Variants in CWC27 observed in about 807,000 individuals in gnomAD.
CWC27 encodes the protein CWC27 spliceosome associated cyclophilin.
CWC27 carries 47 observed loss-of-function variants against 63.6 expected under a neutral mutation model. The ratio of observed to expected loss-of-function variants is 0.74; its 90% CI spans 0.58 to 0.94. The LOEUF is 0.94. Among genes scored for constraint, CWC27 ranks in the 40% least tolerant of loss-of-function variants. CWC27 has a pLI of 0.00. For synonymous variants in CWC27, 175 were observed against 179.8 expected (o/e 0.97, Z 0.22); for missense variants, 495 against 554.3 (o/e 0.89, Z 1.07).
chr5:64,869,538 G>A (rs999908782), intron 10 of CWC27, among the ~76,000 whole-genome samples: 2 of 151,960 alleles, frequency 1.3e-5, no homozygotes, highest in African/African-American at 4.8e-5. Flanking sequence ...GAAGCCTTAT[G>A]GAAAAGAAAA....
At chr5:64,978,633 G>T (rs1436336108) in intron 13 of CWC27, among the ~76,000 whole-genome samples, 9 of 150,604 alleles carry the variant, frequency 6.0e-5, no homozygotes, top group African/African-American at 2.2e-4. Context: ...GCGGTGGGGG[G>T]GATTCCTTGA....
intron 13 of CWC27, among the ~76,000 whole-genome samples, chr5:64,985,697 ATTTC>A (rs1312684089): frequency 6.6e-6 from 1 of 151,698 alleles, no homozygotes; most frequent in African/African-American, 2.4e-5. Flanking sequence ...AGGCAGTTTT[ATTTC>A]TTTCTTTCTA....
intron 5 of CWC27, 144 bp downstream of exon 5, chr5:64,785,723 C>G (rs976077752): frequency 6.1e-6 from 3 of 493,398 alleles, no homozygotes; most frequent in Non-Finnish European, 1.1e-5. Flanking sequence ...ATTTGGGCAC[C>G]GTTTCTAGTT....
chr5:64,890,949 G>A (rs1747217386), intron 11 of CWC27, among the ~76,000 whole-genome samples: 1 of 152,142 alleles, frequency 6.6e-6, no homozygotes, highest in Non-Finnish European at 1.5e-5. Flanking sequence ...TTAAGTGTGA[G>A]AGAAAAGCAT....
chr5:64,836,759 C>T (rs950329827), intron 10 of CWC27, among the ~76,000 whole-genome samples: 2 of 151,972 alleles, frequency 1.3e-5, no homozygotes, highest in Admixed American at 6.6e-5. Flanking sequence ...ATTTCTCCAG[C>T]CTTCTTTCCC....
intron 13 of CWC27, among the ~76,000 whole-genome samples, chr5:64,996,846 C>T (rs1375842941): frequency 6.6e-6 from 1 of 152,098 alleles, no homozygotes; most frequent in Non-Finnish European, 1.5e-5. Context: ...TAGAAATCGT[C>T]GCTTTCAGAG....
intron 13 of CWC27, among the ~76,000 whole-genome samples, chr5:64,978,775 A>G (rs1749278707): frequency 6.6e-6 from 1 of 152,116 alleles, no homozygotes; most frequent in African/African-American, 2.4e-5. Context: ...TTTCTGATTC[A>G]TTTACACTTA....
At chr5:64,846,434 A>G (rs2112289750) in intron 10 of CWC27, among the ~76,000 whole-genome samples, 1 of 152,356 alleles carries the variant, frequency 6.6e-6, no homozygotes, top group African/African-American at 2.4e-5. Context: ...GTTGTATGCA[A>G]AGTTAATTGT....
chr5:65,012,533 G>C (rs1749980362), intron 13 of CWC27, among the ~76,000 whole-genome samples: 1 of 152,196 alleles, frequency 6.6e-6, no homozygotes, highest in Non-Finnish European at 1.5e-5. Flanking sequence ...TTACTTCATG[G>C]AAGTAGGGCC....
chr5:64,914,458 A>T (rs982377546), intron 11 of CWC27, among the ~76,000 whole-genome samples: 5 of 152,150 alleles, frequency 3.3e-5, no homozygotes. Flanking sequence ...TAACCCAAAG[A>T]AAAACGGGCA....
intron 11 of CWC27, among the ~76,000 whole-genome samples, chr5:64,950,550 C>T (rs1580745196): frequency 6.6e-6 from 1 of 151,830 alleles, no homozygotes; most frequent in South Asian, 2.1e-4. Flanking sequence ...AAACCAATAC[C>T]ATTATAACCA....
At chr5:64,851,935 CTT>C (rs775942802) in intron 10 of CWC27, among the ~76,000 whole-genome samples, 14 of 152,016 alleles carry the variant, frequency 9.2e-5, no homozygotes, top group South Asian at 2.1e-4. Context: ...AATTCTAACT[CTT>C]TTAGAAACTA....
At chr5:64,886,916 G>A (rs1747084082) in intron 11 of CWC27, among the ~76,000 whole-genome samples, 1 of 151,950 alleles carries the variant, frequency 6.6e-6, no homozygotes, top group African/African-American at 2.4e-5. Flanking sequence ...TTTGAAACAG[G>A]TACAGTCAGG....
chr5:64,841,757 C>T lies in CWC27; in HGVS notation c.938+37371C>T, dbSNP rs374398849. 3.9e-5 allele frequency among the ~76,000 whole-genome samples: 6 copies of T among 152,298 alleles called. No homozygotes were observed. The East Asian group carries it at 9.6e-4, about 24-fold the overall frequency. On this transcript the variant is annotated intron_variant, in intron 10 of 13. Coordinates refer to ENST00000381070, the MANE Select transcript of CWC27 (RefSeq NM_005869.4). Reference sequence around the variant, plus strand: ...ATGGCACAATCGCGGCTCACTGCAACCTCCGCCTCCTGGATTCAGGCGATT... The same window carrying T: ...ATGGCACAATCGCGGCTCACTGCAATCTCCGCCTCCTGGATTCAGGCGATT...
chr5:64,993,830 G>A (rs1749584448), intron 13 of CWC27, among the ~76,000 whole-genome samples: 1 of 152,146 alleles, frequency 6.6e-6, no homozygotes, highest in Admixed American at 6.5e-5. Flanking sequence ...TGGCAACGAA[G>A]CCAGTGCAAA....
chr5:64,879,264 G>T (rs931115066), intron 10 of CWC27, among the ~76,000 whole-genome samples: 2 of 151,956 alleles, frequency 1.3e-5, no homozygotes, highest in Non-Finnish European at 2.9e-5. Flanking sequence ...TGGTAAATTT[G>T]ATGCATTTGT....
chr5:64,963,593 A>G (rs928212219), intron 11 of CWC27, among the ~76,000 whole-genome samples: 5 of 152,192 alleles, frequency 3.3e-5, no homozygotes, highest in African/African-American at 9.7e-5. Flanking sequence ...ATAGAAGACC[A>G]GTTTTTTCAA....
At chr5:64,971,896 ATAT>A (rs1749133449) in intron 12 of CWC27, 84 bp downstream of exon 12, 1 of 741,826 alleles carries the variant, frequency 1.3e-6, no homozygotes. Context: ...TAATTTGATT[ATAT>A]ATCAGGAGAA....
intron 2 of CWC27, among the ~76,000 whole-genome samples, chr5:64,778,215 C>T (rs1351256888): frequency 1.4e-5 from 1 of 71,180 alleles, no homozygotes; most frequent in Admixed American, 1.6e-4. Context: ...TCAAGATAAG[C>T]CATAGTTATG....
Sources: gnomAD v4.1 joint callset for allele counts (sites outside exome capture counted in the v4.1 genomes callset) on GRCh38, gnomAD v4.1.1 for gene constraint, MANE v1.5 for transcripts, NCBI Gene and HGNC (gene_info 2026-07-23, HGNC 2026-07-21) for gene names.